The following NXPE2 variants were observed in gnomAD, a reference collection of about 807,000 sequenced individuals.
The protein encoded by NXPE2 is NXPE family member 2.
In NXPE2, 34 loss-of-function variants were observed where a neutral mutation model predicts 34.4. The observed-to-expected ratio is 0.99, with a 90% CI of 0.75 to 1.31. NXPE2 has a LOEUF of 1.31. Ranked by LOEUF, NXPE2 falls within the 40% of genes most tolerant of loss-of-function variation. NXPE2 has a pLI of 0.00. For synonymous variants in NXPE2, 235 were observed against 231.3 expected (o/e 1.02, Z -0.15); for missense variants, 649 against 672.5 (o/e 0.97, Z 0.39).
chr11:114,702,841 T>C (rs940276407), intron 3 of NXPE2, among the ~76,000 whole-genome samples: 7 of 152,126 alleles, frequency 4.6e-5, no homozygotes, highest in African/African-American at 1.7e-4. Flanking sequence ...GAAGGGGATA[T>C]TATCCTCACT....
At chr11:114,534,790 C>G in the NXPE2 span, among the ~76,000 whole-genome samples, 1 of 152,064 alleles carries the variant, frequency 6.6e-6, no homozygotes, top group Non-Finnish European at 1.5e-5. Flanking sequence ...GTGAAAAGAC[C>G]AAATCTACGT....
At chr11:114,601,783 TAAC>T in the NXPE2 span, among the ~76,000 whole-genome samples, 229 of 73,222 alleles carry the variant, frequency 3.1e-3, 8 homozygotes, top group African/African-American at 0.012. Flanking sequence ...TATAATTATA[TAAC>T]ATGTGATATA....
chr11:114,794,851 G>GCCCCCCCC, the NXPE2 span, among the ~76,000 whole-genome samples: 2 of 125,492 alleles, frequency 1.6e-5, no homozygotes, highest in Admixed American at 8.6e-5. Context: ...TTGCACCCCC[G>GCCCCCCCC]CCCCCCCCAA....
At chr11:114,633,318 T>C in the NXPE2 span, among the ~76,000 whole-genome samples, 5 of 140,070 alleles carry the variant, frequency 3.6e-5, 1 homozygote, top group Non-Finnish European at 7.6e-5. Flanking sequence ...TATATAATTA[T>C]ATTATGTGGT....
At chr11:114,556,670 T>G in the NXPE2 span, among the ~76,000 whole-genome samples, 1 of 152,104 alleles carries the variant, frequency 6.6e-6, no homozygotes, top group Non-Finnish European at 1.5e-5. Flanking sequence ...GGCCTTTTTC[T>G]AGTGCTTTCA....
chr11:114,788,465 C>G, the NXPE2 span, among the ~76,000 whole-genome samples: 1 of 152,184 alleles, frequency 6.6e-6, no homozygotes, highest in African/African-American at 2.4e-5. Context: ...GGAGACGGCC[C>G]CCAGAGAAAA....
the NXPE2 span, among the ~76,000 whole-genome samples, chr11:114,649,131 G>GTTT: frequency 6.9e-6 from 1 of 145,148 alleles, no homozygotes; most frequent in Non-Finnish European, 1.5e-5. Flanking sequence ...AGCTTGTCAT[G>GTTT]TTTTTTTTTT....
chr11:114,504,746 A>T, the NXPE2 span, among the ~76,000 whole-genome samples: 1 of 152,166 alleles, frequency 6.6e-6, no homozygotes, highest in South Asian at 2.1e-4. Context: ...AAATTCAAAG[A>T]TTGAAGGTAG....
chr11:114,778,640 A>G, the NXPE2 span, among the ~76,000 whole-genome samples: 1 of 152,192 alleles, frequency 6.6e-6, no homozygotes, highest in East Asian at 1.9e-4. Flanking sequence ...AACCAGGCAA[A>G]TGCCCAGGAG....
At chr11:114,567,771 C>T in the NXPE2 span, among the ~76,000 whole-genome samples, 2 of 151,824 alleles carry the variant, frequency 1.3e-5, no homozygotes, top group Non-Finnish European at 2.9e-5. Context: ...AAATACCTCA[C>T]CTTGTCAGTT....
chr11:114,742,295 C>A, the NXPE2 span, among the ~76,000 whole-genome samples: 1 of 152,194 alleles, frequency 6.6e-6, no homozygotes, highest in South Asian at 2.1e-4. Flanking sequence ...AAAGCCTGGG[C>A]CCAAGCAGCT....
chr11:114,581,770 C>G, the NXPE2 span: 1 of 1,610,280 alleles, frequency 6.2e-7, no homozygotes, highest in Non-Finnish European at 8.5e-7. Context: ...TCCATAATCT[C>G]TACACCCACA....
the NXPE2 span, among the ~76,000 whole-genome samples, chr11:114,554,644 CAAT>C: frequency 0.013 from 1,956 of 152,142 alleles, 20 homozygotes; most frequent in Middle Eastern, 0.031. Flanking sequence ...AATTTCAAAG[CAAT>C]AATAATTATG....
At chr11:114,804,621 A>T in the NXPE2 span, among the ~76,000 whole-genome samples, 13 of 152,196 alleles carry the variant, frequency 8.5e-5, no homozygotes, top group Non-Finnish European at 1.8e-4. Flanking sequence ...CCTTAAAATG[A>T]TTGGTCTTAG....
At chr11:114,763,935 A>AT in the NXPE2 span, among the ~76,000 whole-genome samples, 8 of 151,938 alleles carry the variant, frequency 5.3e-5, no homozygotes, top group African/African-American at 1.9e-4. Context: ...GAAAAGTGTC[A>AT]TTTTTTCGTT....
chr11:114,806,709 G>T, the NXPE2 span, among the ~76,000 whole-genome samples: 1 of 151,996 alleles, frequency 6.6e-6, no homozygotes, highest in Admixed American at 6.5e-5. Context: ...CCAAATCTAC[G>T]TCTGATTGGT....
the NXPE2 span, among the ~76,000 whole-genome samples, chr11:114,541,634 T>C: frequency 6.6e-6 from 1 of 152,174 alleles, no homozygotes; most frequent in Non-Finnish European, 1.5e-5. Context: ...AAAAATACAT[T>C]GGTTTGTTCC....
chr11:114,530,561 C>T, the NXPE2 span: 249,802 of 1,613,932 alleles, frequency 0.15, 24,740 homozygotes, highest in African/African-American at 0.45. Flanking sequence ...AAGCACCTGC[C>T]GTCAGTGCTG....
chr11:114,616,549 A>C, the NXPE2 span, among the ~76,000 whole-genome samples: 4 of 151,592 alleles, frequency 2.6e-5, no homozygotes, highest in Non-Finnish European at 5.9e-5. Context: ...TACCCAGTGG[A>C]TAAAAATTAT....
Sources: gnomAD v4.1 joint callset for allele counts (sites outside exome capture counted in the v4.1 genomes callset) on GRCh38, gnomAD v4.1.1 for gene constraint, MANE v1.5 for transcripts, NCBI Gene and HGNC (gene_info 2026-07-23, HGNC 2026-07-21) for gene names.